The following ZNF526 variants were observed in gnomAD, a reference collection of about 807,000 sequenced individuals.
ZNF526 encodes the protein zinc finger protein 526.
Under a neutral mutation model 32.4 loss-of-function variants are expected in ZNF526, and 16 were observed. The ratio of observed to expected loss-of-function variants is 0.49; its 90% CI spans 0.33 to 0.75. ZNF526 has a LOEUF of 0.75. ZNF526 is among the 30% of genes least tolerant of loss of function. The pLI, the probability that ZNF526 is intolerant of heterozygous loss-of-function variation, is 0.02. For missense variants in ZNF526, 838 were observed against 920.7 expected, an observed-to-expected ratio of 0.91 and a Z score of 1.16; for synonymous variants, 355 against 363.4, an observed-to-expected ratio of 0.98 and a Z score of 0.26.
chr19:42,222,580 C>T (rs1480415795), intron 1 of ZNF526, among the ~76,000 whole-genome samples: 2 of 152,090 alleles, frequency 1.3e-5, no homozygotes, highest in African/African-American at 4.8e-5. Context: ...TGGGGTTGAG[C>T]CCACATACGT....
In ZNF526 at chr19:42,225,197, A is replaced by G. The variant is rs1474289778; in HGVS notation, c.794A>G (p.Asp265Gly). The change falls in exon 3 of 3, where the codon GAC becomes GGC. Residue 265 changes from aspartate (D) to glycine (G), a missense_variant. Transcript: ENST00000301215. ...AEVGDDAVGG[D>G]ESTAGWAQGC... ...GTCGGTGATGATGCTGTGGGAGGTG[A>G]CGAGTCCACAGCTGGCTGGGCTCAG... 3 of 1,614,186 alleles carry G rather than the reference A, an allele frequency of 1.9e-6. No homozygotes were observed. The highest frequency in any genetic ancestry group is 2.5e-6 in the Non-Finnish European group (3 of 1,180,008).
Position 42,225,157 on chromosome 19 carries a change from G to A in ZNF526, c.754G>A (p.Glu252Lys), listed in dbSNP as rs2036162139. Reference sequence around the variant, plus strand: ...AGATGATGAAGAGATGGAGGATGAGGAGGCCATGGCAGAGGTCGGTGATGA... The same window carrying A: ...AGATGATGAAGAGATGGAGGATGAGAAGGCCATGGCAGAGGTCGGTGATGA... ...EEDDEEMEDE[E>K]AMAEVGDDAV... The change falls in exon 3 of 3, where the codon GAG becomes AAG. Residue 252 changes from glutamate (E) to lysine (K), a missense_variant. Coordinates refer to ENST00000301215, the MANE Select transcript of ZNF526 (RefSeq NM_133444.3). The A allele has an allele frequency of 6.2e-7, 1 of 1,606,652 alleles. No individual in the cohort carries two copies. Among genetic ancestry groups the A allele is most frequent in the East Asian group, 2.2e-5 (1 of 44,876 alleles).
rs757141878 is a variant in ZNF526, at chr19:42,226,291, G to A, written c.1888G>A (p.Glu630Lys). The change falls in exon 3 of 3, where the codon GAG becomes AAG. Residue 630 changes from glutamate to lysine, a missense_variant. By Grantham distance (56) the Glu-to-Lys change is moderately conservative. Transcript: ENST00000301215. Reference sequence around the variant, plus strand: ...GACTATCATGTGCACAGAGCTGGGGGAGACCATCGCCATCATTGAGACATC... The same window carrying A: ...GACTATCATGTGCACAGAGCTGGGGAAGACCATCGCCATCATTGAGACATC... ...QQTIMCTELG[E>K]TIAIIETSQP... 7 of 1,614,182 alleles carry A rather than the reference G, an allele frequency of 4.3e-6. No homozygotes were observed. Among genetic ancestry groups the A allele is most frequent in the Non-Finnish European group, 4.2e-6 (5 of 1,180,048 alleles).
rs369862002 is a variant in ZNF526 at position 42,225,888 on chromosome 19, G to A, written c.1485G>A (p.Thr495=). ...IHVRNHLRTH[T]GERPFQCHSC... is the part of the protein sequence containing the mutation. ...TGCGCAACCACCTGCGGACACACACGGGTGAGAGGCCCTTCCAGTGCCACT... is the reference window on the plus strand; with the variant it reads ...TGCGCAACCACCTGCGGACACACACAGGTGAGAGGCCCTTCCAGTGCCACT... Residue 495 remains threonine (T), a synonymous_variant, in exon 3 of 3, where the codon ACG becomes ACA. Transcript: ENST00000301215. 3.8e-5 allele frequency: 62 copies of A among 1,614,056 alleles called. No individual in the cohort carries two copies. The African/African-American group carries it at 5.1e-4, about 13-fold the overall frequency.
rs781523689 is a variant in ZNF526 at position 42,224,914 on chromosome 19, C to T, written c.511C>T (p.Pro171Ser). 2 of 1,614,184 alleles carry T rather than the reference C, an allele frequency of 1.2e-6. No homozygotes were observed. The highest frequency in any genetic ancestry group is 8.5e-7 in the Non-Finnish European group (1 of 1,180,032). Residue 171 changes from proline to serine, a missense_variant, in exon 3 of 3, where the codon CCA becomes TCA. Transcript: ENST00000301215. ...AQHLSATVAE[P>S]PVPPPLPPPT... ...GCACCTTTCTGCTACGGTAGCTGAG[C>T]CACCAGTGCCACCTCCTTTGCCTCC...
chr19:42,224,976 A>T lies in ZNF526; in HGVS notation c.573A>T (p.Glu191Asp). The change falls in exon 3 of 3, where the codon GAA becomes GAT. Residue 191 changes from glutamate to aspartate, a missense_variant. By Grantham distance (45) the Glu-to-Asp change is conservative (BLOSUM62 2). Coordinates refer to ENST00000301215, the MANE Select transcript of ZNF526 (RefSeq NM_133444.3). ...TGCCTCCACCTTCTCCCCCATCCGA[A>T]GTCAAGATGGAGCCCTATGAGTGTC... Reference protein sequence around the residue: ...TPLPPPSPPSEVKMEPYECPE... With the variant: ...TPLPPPSPPSDVKMEPYECPE... 1 of 1,614,134 alleles carries T rather than the reference A, an allele frequency of 6.2e-7. No homozygotes were observed. The highest frequency in any genetic ancestry group is 1.1e-5 in the South Asian group (1 of 91,078).
At chr19:42,220,937 C>T (rs1599800152) in intron 1 of ZNF526, among the ~76,000 whole-genome samples, 1 of 152,118 alleles carries the variant, frequency 6.6e-6, no homozygotes, top group East Asian at 1.9e-4. Flanking sequence ...ATGGAACTCT[C>T]GGGCCCCTGG....
chr19:42,225,587 C>T lies in ZNF526; in HGVS notation c.1184C>T (p.Thr395Met), dbSNP rs749348282. Residue 395 changes from threonine (T) to methionine (M), a missense_variant, in exon 3 of 3, where the codon ACG becomes ATG. Coordinates refer to ENST00000301215, the MANE Select transcript of ZNF526 (RefSeq NM_133444.3). ...TTGCATCGCTGTCGTTGCGGCAAGACGTTCAGCAACATGACCAAGTTCCTC... is the reference window on the plus strand; with the variant it reads ...TTGCATCGCTGTCGTTGCGGCAAGATGTTCAGCAACATGACCAAGTTCCTC... Reference protein sequence around the residue: ...NPLHRCRCGKTFSNMTKFLYH... With the variant: ...NPLHRCRCGKMFSNMTKFLYH... The T allele has an allele frequency of 8.7e-6, 14 of 1,608,262 alleles. No individual in the cohort carries two copies. In the African/African-American group the frequency reaches 9.4e-5, roughly 11 times the overall value.
At chr19:42,223,466 C>G (rs2036141381) in intron 1 of ZNF526, among the ~76,000 whole-genome samples, 1 of 152,148 alleles carries the variant, frequency 6.6e-6, no homozygotes, top group African/African-American at 2.4e-5. Flanking sequence ...ACGGTGAAAC[C>G]CTGTCTCTAC....
intron 1 of ZNF526, 96 bp downstream of exon 1, chr19:42,220,483 T>C (rs2036109721): frequency 6.6e-6 from 1 of 152,310 alleles, no homozygotes; most frequent in Admixed American, 6.5e-5. Flanking sequence ...TCGAAGAGCC[T>C]TGGGGCCTGC....
rs2036192833 is a variant in ZNF526 at position 42,227,632 on chromosome 19, C to T, written c.*1216C>T. ...AATTAGCCAGGAGTGGTGGCGGGCG[C>T]CTGTGGTGGCCAGCTACTCAGGAGG... On this transcript the variant is annotated 3_prime_UTR_variant, in exon 3 of 3. Coordinates refer to ENST00000301215, the MANE Select transcript of ZNF526 (RefSeq NM_133444.3). 2.0e-5 allele frequency: 3 copies of T among 152,264 alleles called. No individual in the cohort carries two copies. Among genetic ancestry groups the T allele is most frequent in the East Asian group, 1.9e-4 (1 of 5,186 alleles). 9.4% of individuals were successfully genotyped at this position (152,264 alleles called of 1,614,324 possible). A position where few individuals can be genotyped will look rare whatever the true frequency, so the allele number is the denominator to read the frequency against.
chr19:42,222,280 G>A (rs775757310), intron 1 of ZNF526, among the ~76,000 whole-genome samples: 3 of 151,958 alleles, frequency 2.0e-5, no homozygotes, highest in African/African-American at 4.8e-5. Context: ...AGTAGAGACG[G>A]GGTTTCATCA....
rs1418584863 is a variant in ZNF526 at position 42,224,413 on chromosome 19, G to A, written c.10G>A (p.Val4Met). The A allele has an allele frequency of 1.2e-6, 2 of 1,614,144 alleles. No individual in the cohort carries two copies. The highest frequency in any genetic ancestry group is 8.5e-7 in the Non-Finnish European group (1 of 1,180,030). The change falls in exon 3 of 3, where the codon GTG (valine) becomes ATG (methionine). Residue 4 changes from valine to methionine, a missense_variant. Val to Met is a conservative substitution (Grantham distance 21). Coordinates refer to ENST00000301215, the MANE Select transcript of ZNF526 (RefSeq NM_133444.3). ...CACTGCCTTCCCCACAATGGCAGAG[G>A]TGGTGGCTGAGGTGGCCGAGATGCC... MAE[V>M]VAEVAEMPTQ...
At position 42,228,080 on chromosome 19, in the gene ZNF526, CA is replaced by C. The variant is rs1755384900; in HGVS notation, c.*1665del. ...GCATGGTGGTGCACACCAGTATTCC[CA>C]GCTACTCTGGAGGCTGAGGCGGAGG... On this transcript the variant is annotated 3_prime_UTR_variant, in exon 3 of 3. Coordinates refer to ENST00000301215, the MANE Select transcript of ZNF526 (RefSeq NM_133444.3). 6.6e-6 allele frequency: 1 copy of C among 151,980 alleles called. No individual in the cohort carries two copies. Among genetic ancestry groups the C allele is most frequent in the Non-Finnish European group, 1.5e-5 (1 of 68,024 alleles). 9.4% of individuals were successfully genotyped at this position (151,980 alleles called of 1,614,324 possible). A position where few individuals can be genotyped will look rare whatever the true frequency, so the allele number is the denominator to read the frequency against.
At chr19:42,221,292 G>C (rs915387894) in intron 1 of ZNF526, among the ~76,000 whole-genome samples, 1 of 152,066 alleles carries the variant, frequency 6.6e-6, no homozygotes, top group Non-Finnish European at 1.5e-5. Flanking sequence ...TCAGTAGTTC[G>C]AGACCAGCCT....
Position 42,225,687 on chromosome 19 carries a change from G to GGCCC in ZNF526, c.1284_1285insGCCC (p.Pro429AlafsTer42). Reference sequence around the variant, plus strand: ...CAACAGCTCCCCCAGCTCCAGCGGAGCCCACCCCTCCACCACCACCCCCTG... The same window carrying GGCCC: ...CAACAGCTCCCCCAGCTCCAGCGGAGGCCCCCCACCCCTCCACCACCACCCCCTG... On this transcript the variant is annotated frameshift_variant, in exon 3 of 3. Transcript: ENST00000301215. LOFTEE classifies it high-confidence loss of function. 1 of 1,610,634 alleles carries GGCCC rather than the reference G, an allele frequency of 6.2e-7. No individual in the cohort carries two copies. The highest frequency in any genetic ancestry group is 8.5e-7 in the Non-Finnish European group (1 of 1,178,344).
chr19:42,226,517 C>T lies in ZNF526; in HGVS notation c.*101C>T. 6.5e-7 allele frequency: 1 copy of T among 1,538,744 alleles called. No individual in the cohort carries two copies. Among genetic ancestry groups the T allele is most frequent in the Non-Finnish European group, 9.0e-7 (1 of 1,115,796 alleles). On this transcript the variant is annotated 3_prime_UTR_variant, in exon 3 of 3. Coordinates refer to ENST00000301215, the MANE Select transcript of ZNF526 (RefSeq NM_133444.3). ...TCTGACAAACTGGTCTGGTACCCAC[C>T]ATGTGCCAGGATCCACCCTGGCCTC...
In ZNF526 at chr19:42,224,856, G is replaced by A. The variant is rs758475595; in HGVS notation, c.453G>A (p.Ser151=). 9.3e-6 allele frequency: 15 copies of A among 1,613,626 alleles called. No homozygotes were observed. Among genetic ancestry groups the A allele is most frequent in the Middle Eastern group, 1.6e-4 (1 of 6,062 alleles). Residue 151 remains serine (S), a synonymous_variant, in exon 3 of 3, where the codon TCG becomes TCA. Coordinates refer to ENST00000301215, the MANE Select transcript of ZNF526 (RefSeq NM_133444.3). ...QCWDCQELFP[S]PELWVAHRKA... ...GGGACTGCCAGGAGCTGTTCCCCTC[G>A]CCCGAGCTGTGGGTGGCTCATCGAA... is the stretch of plus-strand genomic sequence containing the variant.
In ZNF526 at chr19:42,223,974, A is replaced by AATATATATATATATATATAT. The variant is rs35211089; in HGVS notation, c.-108-231_-108-212dup. On this transcript the variant is annotated intron_variant, in intron 1 of 2. Coordinates refer to ENST00000301215, the MANE Select transcript of ZNF526 (RefSeq NM_133444.3). ...CATGGTGAAACCTTGTCTCTACTAA[A>AATATATATATATATATATAT]ATATATATATATATATATATATATA... is the stretch of plus-strand genomic sequence containing the variant. 1.7e-3 allele frequency among the ~76,000 whole-genome samples: 190 copies of AATATATATATATATATATAT among 110,590 alleles called. 2 individuals are homozygous for AATATATATATATATATATAT. Among genetic ancestry groups the AATATATATATATATATATAT allele is most frequent in the South Asian group, 2.8e-3 (8 of 2,904 alleles). 72.6% of individuals were successfully genotyped at this position (110,590 alleles called of 152,430 possible). A position where few individuals can be genotyped will look rare whatever the true frequency, so the allele number is the denominator to read the frequency against.
Sources: allele counts gnomAD v4.1 joint callset (sites outside exome capture counted in the v4.1 genomes callset), GRCh38; gene constraint gnomAD v4.1.1; transcripts MANE v1.5; gene names NCBI Gene and HGNC (gene_info 2026-07-23, HGNC 2026-07-21).